NUFIP2: variants seen among roughly 807,000 people sequenced by gnomAD.
NUFIP2 encodes the protein nuclear FMR1 interacting protein 2.
In NUFIP2, 6 loss-of-function variants were observed where a neutral mutation model predicts 56.9. The observed-to-expected ratio is 0.11, with a 90% confidence interval of 0.06 to 0.21. The LOEUF (loss-of-function observed/expected upper bound fraction) is 0.21. NUFIP2 is among the 10% of genes least tolerant of loss of function. NUFIP2 has a pLI of 1.00. For synonymous variants in NUFIP2, 321 were observed against 298.2 expected (o/e 1.08, Z -0.79); for missense variants, 828 against 826.8 (o/e 1.00, Z -0.02).
At chr17:29,272,892 C>A (rs547616442) in intron 2 of NUFIP2, among the ~76,000 whole-genome samples, 3 of 151,470 alleles carry the variant, frequency 2.0e-5, no homozygotes, top group Non-Finnish European at 4.4e-5. Flanking sequence ...TGCTGTCGCC[C>A]AGGCTGAAGA....
At chr17:29,269,462 T>C (rs1476439472) in intron 2 of NUFIP2, among the ~76,000 whole-genome samples, 1 of 152,052 alleles carries the variant, frequency 6.6e-6, no homozygotes, top group African/African-American at 2.4e-5. Flanking sequence ...TTCCTATCTC[T>C]CTCCCTACTC....
Position 29,286,706 on chromosome 17 carries a change from G to C in NUFIP2, c.1288C>G (p.Pro430Ala), listed in dbSNP as rs776902673. Residue 430 changes from proline to alanine, a missense_variant, in exon 2 of 4, where the codon CCA (proline) becomes GCA (alanine). By Grantham distance (27) the Pro-to-Ala change is conservative (BLOSUM62 -1). This residue lies in a region of NUFIP2 where 404 missense variants were observed against 380.3 expected (regional missense o/e 1.06). Transcript: ENST00000225388. ...GTAGTTAGCAGTGGCTGACCCCCTG[G>C]AGGATAAACATTTCCATCAGTCCCT... ...LAGTDGNVYP[P>A]GGQPLLTTAA... is the part of the protein sequence containing the mutation. 3 of 1,614,154 alleles carry C rather than the reference G, an allele frequency of 1.9e-6. No homozygotes were observed. Among genetic ancestry groups the C allele is most frequent in the East Asian group, 2.2e-5 (1 of 44,880 alleles).
At position 29,276,029 on chromosome 17, in the gene NUFIP2, A is replaced by AATATATATATATATATATAT. The variant is rs71135888; in HGVS notation, c.2003-8519_2003-8500dup. On this transcript the variant is annotated intron_variant, in intron 2 of 3. Transcript: ENST00000225388. ...GGTGACAGAGTAAGACTCCGTCTCA[A>AATATATATATATATATATAT]ATATATATATATATATATATCTGAA... 2.3e-3 allele frequency among the ~76,000 whole-genome samples: 320 copies of AATATATATATATATATATAT among 138,132 alleles called. 3 individuals are homozygous for AATATATATATATATATATAT. Among genetic ancestry groups the AATATATATATATATATATAT allele is most frequent in the South Asian group, 6.8e-3 (27 of 3,952 alleles). 90.6% of individuals were successfully genotyped at this position (138,132 alleles called of 152,430 possible).
rs368599727 is a variant in NUFIP2 at position 29,286,508 on chromosome 17, G to C, written c.1486C>G (p.Gln496Glu). The C allele has an allele frequency of 6.2e-6, 10 of 1,614,172 alleles. No homozygotes were observed. Among genetic ancestry groups the C allele is most frequent in the Middle Eastern group, 3.3e-4 (2 of 6,062 alleles). ...TGGAAGATATCCCCCAGGTTTTGCT[G>C]ATCTGTCTGAGAGGGCAGATCCACT... ...AQVDLPSQTD[Q>E]QNLGDIFQNQ... The change falls in exon 2 of 4, where the codon CAG (glutamine) becomes GAG (glutamate). Residue 496 changes from glutamine to glutamate, a missense_variant. By Grantham distance (29) the Gln-to-Glu change is conservative. Around this residue, in one of 3 missense-constraint regions of NUFIP2, gnomAD observed 404 missense variants for 380.3 expected, o/e 1.06. Coordinates refer to ENST00000225388, the MANE Select transcript of NUFIP2 (RefSeq NM_020772.3).
rs142179680 is a variant in NUFIP2, at chr17:29,284,265, TG to T, written c.2002+1726del. Among the ~76,000 whole-genome samples the T allele has an allele frequency of 6.0e-3, 920 of 152,294 alleles. 10 individuals are homozygous for T. The highest frequency in any genetic ancestry group is 0.021 in the African/African-American group (892 of 41,552). On this transcript the variant is annotated intron_variant, in intron 2 of 3. Transcript: ENST00000225388. The stretch of plus-strand genomic sequence containing the variant: ...AGAAAGGAGGAAGAGGTAGGAAAGA[TG>T]GGAAGACTGAAACCCACTGTTCTCA...
chr17:29,281,270 C>T (rs1056833006), intron 2 of NUFIP2, among the ~76,000 whole-genome samples: 1 of 151,742 alleles, frequency 6.6e-6, no homozygotes, highest in Non-Finnish European at 1.5e-5. Flanking sequence ...TGCAGTGAGC[C>T]GAGATCACGC....
chr17:29,278,847 T>C lies in NUFIP2; in HGVS notation c.2002+7145A>G, dbSNP rs79063694. ...TACTGTATTCATAAAGCAGACATCA[T>C]GAAACATCAAGCAGTCAGTATGGGT... On this transcript the variant is annotated intron_variant, in intron 2 of 3. Coordinates refer to ENST00000225388, the MANE Select transcript of NUFIP2 (RefSeq NM_020772.3). Among the ~76,000 whole-genome samples the C allele has an allele frequency of 2.7e-3, 410 of 152,268 alleles. 6 individuals are homozygous for C. Among genetic ancestry groups the C allele is most frequent in the Admixed American group, 0.021 (317 of 15,276 alleles).
At chr17:29,284,163 T>A (rs1056053160) in intron 2 of NUFIP2, among the ~76,000 whole-genome samples, 3 of 152,174 alleles carry the variant, frequency 2.0e-5, no homozygotes, top group African/African-American at 4.8e-5. Context: ...ACTGCCTAAA[T>A]GAGCCACTGT....
At chr17:29,281,884 C>T (rs1285929111) in intron 2 of NUFIP2, among the ~76,000 whole-genome samples, 1 of 151,610 alleles carries the variant, frequency 6.6e-6, no homozygotes, top group Non-Finnish European at 1.5e-5. Context: ...CCTGCCTCAG[C>T]CTCCCAAGTA....
chr17:29,275,949 A>C (rs2069105355), intron 2 of NUFIP2, among the ~76,000 whole-genome samples: 1 of 151,168 alleles, frequency 6.6e-6, no homozygotes, highest in Non-Finnish European at 1.5e-5. Flanking sequence ...AATTGCTTGA[A>C]CCCAGGAGGC....
Position 29,286,407 on chromosome 17 carries a change from A to T in NUFIP2, c.1587T>A (p.His529Gln). 1 of 1,614,148 alleles carries T rather than the reference A, an allele frequency of 6.2e-7. No homozygotes were observed. The change falls in exon 2 of 4, where the codon CAT becomes CAA. Residue 529 changes from histidine (H) to glutamine (Q), a missense_variant. By Grantham distance (24) the His-to-Gln change is conservative. This residue lies in a region of NUFIP2 where 404 missense variants were observed against 380.3 expected (regional missense o/e 1.06). Transcript: ENST00000225388. ...PETVTGKSSE[H>Q]KVMEVTFQGE... Reference sequence around the variant, plus strand: ...CTTGAAATGTCACCTCCATCACTTTATGCTCTGATGACTTCCCAGTAACAG... The same window carrying T: ...CTTGAAATGTCACCTCCATCACTTTTTGCTCTGATGACTTCCCAGTAACAG...
rs960688913 is a variant in NUFIP2 at position 29,265,308 on chromosome 17, T to A, written c.2036-717A>T. Among the ~76,000 whole-genome samples, 34 of 145,988 alleles carry A rather than the reference T, an allele frequency of 2.3e-4. No homozygotes were observed. The East Asian group carries it at 3.5e-3, about 15-fold the overall frequency. On this transcript the variant is annotated intron_variant, in intron 3 of 3. Coordinates refer to ENST00000225388, the MANE Select transcript of NUFIP2 (RefSeq NM_020772.3). ...TTTTATTTTTTTATTTTATTTTATT[T>A]TTTTTTTTTTTTGAGACGGAGTCTC...
rs1375374406 is a variant in NUFIP2 at position 29,259,701 on chromosome 17, C to G, written c.*4838G>C. On this transcript the variant is annotated 3_prime_UTR_variant, in exon 4 of 4. Coordinates refer to ENST00000225388, the MANE Select transcript of NUFIP2 (RefSeq NM_020772.3). The stretch of plus-strand genomic sequence containing the variant: ...TCAGCAATCCCATCACATATGAGGA[C>G]GGCCATTCCATAGTTTCTAGCCCAT... 4 of 151,754 alleles carry G rather than the reference C, an allele frequency of 2.6e-5. No homozygotes were observed. The highest frequency in any genetic ancestry group is 9.7e-5 in the African/African-American group (4 of 41,314). The allele number at this position is 151,754 out of a possible 1,614,324, so 9.4% of individuals were successfully genotyped here.
intron 2 of NUFIP2, among the ~76,000 whole-genome samples, chr17:29,285,568 C>A (rs2069167923): frequency 6.6e-6 from 1 of 151,460 alleles, no homozygotes; most frequent in South Asian, 2.1e-4. Context: ...TCCAGCCTGG[C>A]AAGAGAGTGA....
At chr17:29,268,635 A>G (rs2069053222) in intron 2 of NUFIP2, among the ~76,000 whole-genome samples, 1 of 152,136 alleles carries the variant, frequency 6.6e-6, no homozygotes, top group African/African-American at 2.4e-5. Context: ...CTCCTGCCTC[A>G]GCCTCCCGAG....
At chr17:29,276,852 A>C (rs1440971751) in intron 2 of NUFIP2, among the ~76,000 whole-genome samples, 2 of 152,196 alleles carry the variant, frequency 1.3e-5, no homozygotes, top group Non-Finnish European at 2.9e-5. Context: ...GGCATTGCTC[A>C]CACTCAACTT....
At chr17:29,267,170 C>T (rs1171955293) in intron 3 of NUFIP2, among the ~76,000 whole-genome samples, 3 of 151,376 alleles carry the variant, frequency 2.0e-5, no homozygotes, top group Admixed American at 2.0e-4. Flanking sequence ...TCCCAAAGTG[C>T]TAGGATTACA....
Position 29,287,299 on chromosome 17 carries a change from T to A in NUFIP2, c.695A>T (p.Lys232Met). 1 of 1,614,230 alleles carries A rather than the reference T, an allele frequency of 6.2e-7. No individual in the cohort carries two copies. Among genetic ancestry groups the A allele is most frequent in the Non-Finnish European group, 8.5e-7 (1 of 1,180,038 alleles). ...KKRKARRNSAKGCENLNIVQD... is the reference protein window; with the variant it reads ...KKRKARRNSAMGCENLNIVQD... ...CACTATATTAAGGTTTTCACAACCCTTGGCACTATTGCGCCTAGCTTTCCT... is the reference window on the plus strand; with the variant it reads ...CACTATATTAAGGTTTTCACAACCCATGGCACTATTGCGCCTAGCTTTCCT... Residue 232 changes from lysine to methionine, a missense_variant, in exon 2 of 4, where the codon AAG (lysine) becomes ATG (methionine). Physicochemically the swap from Lys to Met is moderately conservative, Grantham distance 95. Transcript: ENST00000225388.
chr17:29,284,146 G>T (rs927285309), intron 2 of NUFIP2, among the ~76,000 whole-genome samples: 6 of 152,236 alleles, frequency 3.9e-5, no homozygotes, highest in East Asian at 1.9e-4. Flanking sequence ...CCCTGCAATT[G>T]TAAGTCACTG....
Sources: gnomAD v4.1 joint callset for allele counts (sites outside exome capture counted in the v4.1 genomes callset) on GRCh38, gnomAD v4.1.1 for gene constraint, gnomAD v4.1.1 regional missense constraint, MANE v1.5 for transcripts, NCBI Gene and HGNC (gene_info 2026-07-23, HGNC 2026-07-21) for gene names.